The following ZNF469 variants were observed in gnomAD, a reference collection of about 807,000 sequenced individuals.
The protein encoded by ZNF469 is zinc finger protein 469.
ZNF469 carries 1 observed loss-of-function variant against 1.0 expected under a neutral mutation model. The ratio of observed to expected loss-of-function variants is 1.00; its 90% CI spans 0.35 to 4.73. The LOEUF is 4.73. Among genes scored for constraint, ZNF469 ranks in the 30% most tolerant of loss-of-function variants. The pLI, the probability that ZNF469 is intolerant of heterozygous loss-of-function variation, is 0.16. For synonymous variants in ZNF469, 2,703 were observed against 2,363.4 expected, an observed-to-expected ratio of 1.14 and a Z score of -4.17; for missense variants, 6,100 against 5,356.3, an observed-to-expected ratio of 1.14 and a Z score of -4.33.
the ZNF469 span, among the ~76,000 whole-genome samples, chr16:88,296,830 G>A: frequency 1.3e-3 from 194 of 152,182 alleles, no homozygotes; most frequent in African/African-American, 4.0e-3. Flanking sequence ...CACATACCAC[G>A]CACACACTCA....
chr16:88,171,990 A>G, the ZNF469 span, among the ~76,000 whole-genome samples: 1 of 152,340 alleles, frequency 6.6e-6, no homozygotes, highest in African/African-American at 2.4e-5. Context: ...ATTGGACAAC[A>G]GATAGCTCAA....
chr16:88,135,709 C>G, the ZNF469 span, among the ~76,000 whole-genome samples: 6 of 142,126 alleles, frequency 4.2e-5, no homozygotes, highest in African/African-American at 1.5e-4. Context: ...TCCACAGGCA[C>G]AGATCTGTCT....
In ZNF469 at chr16:88,439,524, G is replaced by A; in HGVS notation, c.*192G>A. The A allele has an allele frequency of 1.5e-6, 1 of 652,430 alleles. No homozygotes were observed. The highest frequency in any genetic ancestry group is 2.6e-6 in the Non-Finnish European group (1 of 381,796). The allele number at this position is 652,430 out of a possible 1,614,324, so 40.4% of individuals were successfully genotyped here. A position where few individuals can be genotyped will look rare whatever the true frequency, so the allele number is the denominator to read the frequency against. ...CCAGGTGGGCAGCATTCCCTTTCTTGCTGGAAGGCTGGGGGTGAAAGACGG... is the reference window on the plus strand; with the variant it reads ...CCAGGTGGGCAGCATTCCCTTTCTTACTGGAAGGCTGGGGGTGAAAGACGG... On this transcript the variant is annotated 3_prime_UTR_variant, in exon 3 of 3. Coordinates refer to ENST00000565624, the MANE Select transcript of ZNF469 (RefSeq NM_001367624.2).
chr16:88,378,278 C>A (rs1262001709), upstream of ZNF469, among the ~76,000 whole-genome samples: 2 of 152,178 alleles, frequency 1.3e-5, no homozygotes, highest in Non-Finnish European at 2.9e-5. Flanking sequence ...CTGTTTGTGC[C>A]CTTTTCTCTG....
At chr16:88,180,528 T>C in the ZNF469 span, among the ~76,000 whole-genome samples, 2 of 152,120 alleles carry the variant, frequency 1.3e-5, no homozygotes, top group East Asian at 1.9e-4. Context: ...TCCCAGCACT[T>C]TGGGAGGCCG....
Position 88,433,855 on chromosome 16 carries a change from C to A in ZNF469, c.6385C>A (p.Pro2129Thr). 1.9e-6 allele frequency: 3 copies of A among 1,549,452 alleles called. No homozygotes were observed. Among genetic ancestry groups the A allele is most frequent in the Non-Finnish European group, 2.6e-6 (3 of 1,146,502 alleles). The change falls in exon 3 of 3, where the codon CCC becomes ACC. Residue 2129 changes from proline to threonine, a missense_variant. Coordinates refer to ENST00000565624, the MANE Select transcript of ZNF469 (RefSeq NM_001367624.2). ...CGCCCACATGCCCTGCAGCCTTGGGCCCCTGCCCCGTGAAGACCCACTTAC... is the reference window on the plus strand; with the variant it reads ...CGCCCACATGCCCTGCAGCCTTGGGACCCTGCCCCGTGAAGACCCACTTAC... ...SAAHMPCSLGPLPREDPLTSP... is the reference protein window; with the variant it reads ...SAAHMPCSLGTLPREDPLTSP...
chr16:88,349,444 TAC>T, the ZNF469 span, among the ~76,000 whole-genome samples: 3 of 120,314 alleles, frequency 2.5e-5, no homozygotes, highest in Admixed American at 1.7e-4. Context: ...CCAGGCACAA[TAC>T]ACACACCACA....
At chr16:88,284,815 C>A in the ZNF469 span, among the ~76,000 whole-genome samples, 1 of 152,226 alleles carries the variant, frequency 6.6e-6, no homozygotes, top group Non-Finnish European at 1.5e-5. Context: ...TGAGACTCAG[C>A]CTTGGCCTGA....
the ZNF469 span, among the ~76,000 whole-genome samples, chr16:88,211,117 C>T: frequency 2.2e-4 from 34 of 152,326 alleles, no homozygotes; most frequent in African/African-American, 7.0e-4. Context: ...AGTTTTTCCC[C>T]GCATTCTTGA....
the ZNF469 span, among the ~76,000 whole-genome samples, chr16:88,338,381 C>T: frequency 1.7e-4 from 26 of 152,210 alleles, no homozygotes; most frequent in Admixed American, 5.2e-4. Flanking sequence ...AGGCCACCCC[C>T]GGCTCCTGAC....
the ZNF469 span, among the ~76,000 whole-genome samples, chr16:88,154,567 G>A: frequency 7.9e-5 from 12 of 152,206 alleles, no homozygotes; most frequent in Admixed American, 4.6e-4. Context: ...TTGAAGCCTC[G>A]CTGGCCTCCA....
At chr16:88,141,072 C>A in the ZNF469 span, among the ~76,000 whole-genome samples, 1 of 152,166 alleles carries the variant, frequency 6.6e-6, no homozygotes, top group Non-Finnish European at 1.5e-5. Context: ...ATGAATCCAC[C>A]ATCTGGAAAA....
At chr16:88,196,756 T>G in the ZNF469 span, among the ~76,000 whole-genome samples, 5,941 of 152,228 alleles carry the variant, frequency 0.039, 302 homozygotes, top group African/African-American at 0.11. Context: ...GGCTCAGAGC[T>G]CCACCAACTG....
chr16:88,414,324 G>C (rs1905250553), intron 1 of ZNF469, among the ~76,000 whole-genome samples: 1 of 152,242 alleles, frequency 6.6e-6, no homozygotes, highest in South Asian at 2.1e-4. Flanking sequence ...AACACCTGCT[G>C]GGCATCGGGA....
intron 1 of ZNF469, among the ~76,000 whole-genome samples, chr16:88,416,615 G>A (rs150339549): frequency 3.9e-5 from 6 of 152,354 alleles, no homozygotes; most frequent in South Asian, 2.1e-4. Flanking sequence ...CACCATTACC[G>A]TGAGAAATTG....
intron 1 of ZNF469, among the ~76,000 whole-genome samples, chr16:88,403,515 C>T (rs563569262): frequency 1.4e-5 from 2 of 145,940 alleles, no homozygotes; most frequent in South Asian, 2.4e-4. Context: ...CTCCAGGTCT[C>T]GGGGTCTGCA....
chr16:88,389,098 A>C (rs1025404074), intron 1 of ZNF469, among the ~76,000 whole-genome samples: 1 of 152,198 alleles, frequency 6.6e-6, no homozygotes, highest in Non-Finnish European at 1.5e-5. Context: ...GGTTGTACAA[A>C]CATCACCACC....
the ZNF469 span, among the ~76,000 whole-genome samples, chr16:88,225,077 C>A: frequency 6.6e-6 from 1 of 152,362 alleles, no homozygotes; most frequent in East Asian, 1.9e-4. Context: ...CCCCCTGCCC[C>A]TTCCCCTCAG....
chr16:88,369,506 A>G, the ZNF469 span, among the ~76,000 whole-genome samples: 7 of 152,242 alleles, frequency 4.6e-5, no homozygotes, highest in African/African-American at 1.4e-4. Context: ...GAAGTCGGAC[A>G]CAGCAGGGCA....
Sources: gnomAD v4.1 joint callset for allele counts (sites outside exome capture counted in the v4.1 genomes callset) on GRCh38, gnomAD v4.1.1 for gene constraint, MANE v1.5 for transcripts, NCBI Gene and HGNC (gene_info 2026-07-23, HGNC 2026-07-21) for gene names.